HACD2: variants seen among roughly 807,000 people sequenced by gnomAD.
HACD2 encodes the protein very-long-chain (3R)-3-hydroxyacyl-CoA dehydratase 2.
Under a neutral mutation model 31.0 loss-of-function variants are expected in HACD2, and 15 were observed. The ratio of observed to expected loss-of-function variants is 0.48; its 90% confidence interval spans 0.32 to 0.75. The LOEUF (loss-of-function observed/expected upper bound fraction) is 0.75, where lower values mean the gene tolerates loss of function less well. Ranked by LOEUF, HACD2 falls within the 30% of genes least tolerant of loss-of-function variation. The pLI, the probability that HACD2 is intolerant of heterozygous loss-of-function variation, is 0.03. For missense variants in HACD2, 283 were observed against 313.0 expected (o/e 0.90, Z 0.72); for synonymous variants, 115 against 122.2 (o/e 0.94, Z 0.39).
At chr3:123,554,452 G>C (rs2056653475) in intron 3 of HACD2, among the ~76,000 whole-genome samples, 1 of 152,014 alleles carries the variant, frequency 6.6e-6, no homozygotes, top group East Asian at 1.9e-4. Context: ...AGTGTGCTAT[G>C]ATCACTTCTG....
intron 2 of HACD2, among the ~76,000 whole-genome samples, chr3:123,573,517 T>C (rs2056876688): frequency 6.6e-6 from 1 of 152,188 alleles, no homozygotes; most frequent in Admixed American, 6.5e-5. Flanking sequence ...CAAGTTTTCA[T>C]GGTTTCTTCT....
At chr3:123,527,469 T>A (rs2056298513) in intron 4 of HACD2, among the ~76,000 whole-genome samples, 1 of 152,246 alleles carries the variant, frequency 6.6e-6, no homozygotes, top group Non-Finnish European at 1.5e-5. Context: ...TATATGCTAC[T>A]GGCCCATTAA....
At chr3:123,550,197 C>T (rs562579867) in intron 3 of HACD2, among the ~76,000 whole-genome samples, 8 of 152,144 alleles carry the variant, frequency 5.3e-5, no homozygotes, top group Non-Finnish European at 8.8e-5. Flanking sequence ...TTCTCCCATG[C>T]CCCAGGCTTT....
At chr3:123,543,338 T>C (rs1010040522) in intron 3 of HACD2, among the ~76,000 whole-genome samples, 2 of 152,160 alleles carry the variant, frequency 1.3e-5, no homozygotes, top group Admixed American at 6.5e-5. Flanking sequence ...AAAGAAACCC[T>C]ACACACTTTC....
intron 3 of HACD2, among the ~76,000 whole-genome samples, chr3:123,558,717 T>C (rs1051018023): frequency 1.3e-5 from 2 of 152,248 alleles, no homozygotes; most frequent in African/African-American, 4.8e-5. Flanking sequence ...TGCTCCCTTT[T>C]AACACATTGT....
intron 2 of HACD2, among the ~76,000 whole-genome samples, chr3:123,580,141 T>C (rs1190160992): frequency 1.3e-5 from 2 of 149,952 alleles, no homozygotes; most frequent in African/African-American, 4.9e-5. Context: ...CACTCCTGCC[T>C]GGGCAACAGA....
chr3:123,532,696 C>T (rs1268314957), intron 3 of HACD2, among the ~76,000 whole-genome samples: 1 of 151,908 alleles, frequency 6.6e-6, no homozygotes, highest in African/African-American at 2.4e-5. Context: ...ATTAGCCGGG[C>T]GTGGTGGCAG....
intron 2 of HACD2, 126 bp downstream of exon 2, chr3:123,582,086 G>A: frequency 2.0e-6 from 1 of 503,146 alleles, no homozygotes; most frequent in Non-Finnish European, 3.5e-6. Flanking sequence ...ACTTTAGTAT[G>A]TGAGGAGGCA....
intron 4 of HACD2, among the ~76,000 whole-genome samples, chr3:123,523,242 CAA>C (rs1174790349): frequency 1.3e-5 from 2 of 152,162 alleles, no homozygotes; most frequent in African/African-American, 4.8e-5. Flanking sequence ...TTGGCTTCTA[CAA>C]GAGTTGAACG....
chr3:123,504,597 G>A (rs2055949758), intron 4 of HACD2, among the ~76,000 whole-genome samples: 1 of 151,282 alleles, frequency 6.6e-6, no homozygotes, highest in African/African-American at 2.4e-5. Flanking sequence ...CCTAGAGATT[G>A]GTTATTATTC....
At chr3:123,579,400 AAGCCTCCCATTTC>A (rs1187211410) in intron 2 of HACD2, among the ~76,000 whole-genome samples, 4 of 151,588 alleles carry the variant, frequency 2.6e-5, no homozygotes, top group Admixed American at 6.6e-5. Flanking sequence ...GTTCAAGCTC[AAGCCTCCCATTTC>A]AGCCTCCCAA....
At chr3:123,579,683 C>T (rs1275327958) in intron 2 of HACD2, among the ~76,000 whole-genome samples, 1 of 152,088 alleles carries the variant, frequency 6.6e-6, no homozygotes, top group Non-Finnish European at 1.5e-5. Context: ...GGGGACAACC[C>T]CCTACTATAT....
rs113005853 is a variant in HACD2 at position 123,514,480 on chromosome 3, A to C, written c.382-11799T>G. On this transcript the variant is annotated intron_variant, in intron 4 of 6. Coordinates refer to ENST00000383657, the MANE Select transcript of HACD2 (RefSeq NM_198402.5). ...CACTCCGGGGGTACAATGAGAAGGA[A>C]ATATAACTATTATCTGGTTCTCTAA... Among the ~76,000 whole-genome samples, 642 of 152,312 alleles carry C rather than the reference A, an allele frequency of 4.2e-3. 3 individuals are homozygous for C. Among genetic ancestry groups the C allele is most frequent in the African/African-American group, 0.015 (609 of 41,560 alleles).
rs149311367 is a variant in HACD2 at position 123,563,814 on chromosome 3, C to A, written c.292+3948G>T. On this transcript the variant is annotated intron_variant, in intron 3 of 6. Coordinates refer to ENST00000383657, the MANE Select transcript of HACD2 (RefSeq NM_198402.5). ...GACAGGAAACCTTCTAACCCTCAGT[C>A]TCAGCTGGAAGATGGGAAGCAAATG... Among the ~76,000 whole-genome samples, 548 of 152,218 alleles carry A rather than the reference C, an allele frequency of 3.6e-3. 4 individuals are homozygous for A. The highest frequency in any genetic ancestry group is 4.2e-3 in the Non-Finnish European group (288 of 68,012).
chr3:123,505,938 C>G (rs903832897), intron 4 of HACD2, among the ~76,000 whole-genome samples: 1 of 152,218 alleles, frequency 6.6e-6, no homozygotes, highest in African/African-American at 2.4e-5. Flanking sequence ...CTTGTAGGCC[C>G]TGGACATATC....
intron 4 of HACD2, among the ~76,000 whole-genome samples, chr3:123,516,257 G>A (rs1363377176): frequency 1.5e-5 from 2 of 135,386 alleles, no homozygotes; most frequent in South Asian, 4.6e-4. Context: ...TTTTTGAGAT[G>A]GAGTCTCGCT....
At position 123,528,307 on chromosome 3, in the gene HACD2, C is replaced by G; in HGVS notation, c.381+79G>C. ...GGAACTCTGACCTGGAACTCTTTAGCCATAACAAACATGTGAATCAGAAAA... is the reference window on the plus strand; with the variant it reads ...GGAACTCTGACCTGGAACTCTTTAGGCATAACAAACATGTGAATCAGAAAA... On this transcript the variant is annotated intron_variant, in intron 4 of 6. Coordinates refer to ENST00000383657, the MANE Select transcript of HACD2 (RefSeq NM_198402.5). 6.9e-6 allele frequency: 6 copies of G among 865,874 alleles called. No homozygotes were observed. The South Asian group carries it at 8.2e-5, about 12-fold the overall frequency. 53.6% of individuals were successfully genotyped at this position (865,874 alleles called of 1,614,324 possible). A position where few individuals can be genotyped will look rare whatever the true frequency, so the allele number is the denominator to read the frequency against.
chr3:123,568,298 CA>C (rs2056814031), intron 2 of HACD2, among the ~76,000 whole-genome samples: 1 of 152,220 alleles, frequency 6.6e-6, no homozygotes, highest in South Asian at 2.1e-4. Flanking sequence ...TGGTCCAATC[CA>C]ACCCTGTCTC....
chr3:123,518,995 T>TAAAAAA (rs67571643), intron 4 of HACD2, among the ~76,000 whole-genome samples: 13 of 42,472 alleles, frequency 3.1e-4, no homozygotes, highest in South Asian at 9.2e-4. Flanking sequence ...AGACTCCAAC[T>TAAAAAA]AAAAAAAAAA....
Sources: gnomAD v4.1 joint callset for allele counts (sites outside exome capture counted in the v4.1 genomes callset) on GRCh38, gnomAD v4.1.1 for gene constraint, MANE v1.5 for transcripts, NCBI Gene and HGNC (gene_info 2026-07-23, HGNC 2026-07-21) for gene names.